Variants in RNF128 observed in about 807,000 individuals in gnomAD.
RNF128 encodes the protein E3 ubiquitin-protein ligase RNF128.
Under a neutral mutation model 26.2 loss-of-function variants are expected in RNF128, and 13 were observed. The ratio of observed to expected loss-of-function variants is 0.50; its 90% confidence interval spans 0.32 to 0.79. RNF128 has a LOEUF of 0.79. Among genes scored for constraint, RNF128 ranks in the 30% least tolerant of loss-of-function variants. RNF128 has a pLI of 0.03. For synonymous variants in RNF128, 149 were observed against 142.5 expected, an observed-to-expected ratio of 1.05 and a Z score of -0.32; for missense variants, 315 against 349.7, an observed-to-expected ratio of 0.90 and a Z score of 0.79.
In RNF128 at chrX:106,704,365, G is replaced by A. The variant is rs760691770; in HGVS notation, c.406+9957G>A. ...GGAGAATGGCGTGAACCCGGGAGGC[G>A]GAGCTTGCAGTGAGCTGAGATCGCG... On this transcript the variant is annotated intron_variant, in intron 1 of 6. Coordinates refer to the RNF128 transcript ENST00000324342. Among the ~76,000 whole-genome samples, 11 of 106,383 alleles carry A rather than the reference G, an allele frequency of 1.0e-4. No individual in the cohort carries two copies. The South Asian group carries it at 1.3e-3, about 13-fold the overall frequency. The allele number at this position is 106,383 out of a possible 115,157, so 92.4% of individuals were successfully genotyped here.
chrX:106,742,508 AG>A (rs1470260520), intron 1 of RNF128, among the ~76,000 whole-genome samples: 2 of 111,697 alleles, frequency 1.8e-5, no homozygotes, highest in African/African-American at 6.5e-5. Flanking sequence ...CAAGTTTTCC[AG>A]GTGATTCTTC....
intron 1 of RNF128, among the ~76,000 whole-genome samples, chrX:106,714,102 C>T (rs1010699268): frequency 9.3e-6 from 1 of 107,064 alleles, no homozygotes; most frequent in Non-Finnish European, 1.9e-5. Flanking sequence ...GGCGTGAACC[C>T]AGGAGGCGGA....
intron 1 of RNF128, among the ~76,000 whole-genome samples, chrX:106,752,988 G>T (rs1214821131): frequency 9.0e-6 from 1 of 111,541 alleles, no homozygotes; most frequent in Middle Eastern, 4.2e-3. Flanking sequence ...TGAGCTTGAA[G>T]AGGGGCTGTT....
At chrX:106,785,820 G>A (rs1265589891) in intron 3 of RNF128, among the ~76,000 whole-genome samples, 3 of 112,119 alleles carry the variant, frequency 2.7e-5, no homozygotes, top group African/African-American at 3.2e-5. Flanking sequence ...GGTAAAACAT[G>A]TATTTCAAAA....
chrX:106,779,305 A>G (rs1306051656), intron 2 of RNF128, among the ~76,000 whole-genome samples: 1 of 110,295 alleles, frequency 9.1e-6, no homozygotes, highest in Non-Finnish European at 1.9e-5. Flanking sequence ...TATAAATTGT[A>G]AAATGATTGA....
At chrX:106,693,911 C>A in exon 1 of RNF128, 1 of 842,172 alleles carries the variant, frequency 1.2e-6, no homozygotes, top group Non-Finnish European at 1.7e-6. Flanking sequence ...AAATTTCAAA[C>A]TTCTGTTCAG....
chrX:106,793,151 A>G (rs976475486), intron 6 of RNF128, among the ~76,000 whole-genome samples: 5 of 111,087 alleles, frequency 4.5e-5, no homozygotes, highest in African/African-American at 1.6e-4. Flanking sequence ...GTTTTGGGTG[A>G]TGCCTAGGAA....
chrX:106,779,577 A>G (rs1409129917), intron 2 of RNF128, among the ~76,000 whole-genome samples: 3 of 110,173 alleles, frequency 2.7e-5, no homozygotes, highest in African/African-American at 1.0e-4. Context: ...TTATACCACA[A>G]ATTCTAAAGG....
At chrX:106,696,411 G>A (rs1266875459) in intron 1 of RNF128, among the ~76,000 whole-genome samples, 2 of 110,875 alleles carry the variant, frequency 1.8e-5, no homozygotes, top group African/African-American at 6.6e-5. Context: ...CAAACATAAG[G>A]AATCAAGTGT....
chrX:106,767,602 A>C (rs917104544), intron 1 of RNF128, among the ~76,000 whole-genome samples: 36 of 111,989 alleles, frequency 3.2e-4, no homozygotes, highest in African/African-American at 1.2e-3. Flanking sequence ...TATCAGCCTG[A>C]GGAGAATTTG....
chrX:106,711,929 G>A (rs1328569522), intron 1 of RNF128, among the ~76,000 whole-genome samples: 1 of 111,830 alleles, frequency 8.9e-6, no homozygotes, highest in Non-Finnish European at 1.9e-5. Context: ...TCTTGAAGAT[G>A]GGAATAAATT....
intron 1 of RNF128, among the ~76,000 whole-genome samples, chrX:106,710,965 C>T (rs1452520560): frequency 9.0e-6 from 1 of 111,367 alleles, no homozygotes; most frequent in Non-Finnish European, 1.9e-5. Context: ...CTGAACTGTG[C>T]ACAACCCCAT....
At chrX:106,759,809 T>G (rs2147686536) in intron 1 of RNF128, among the ~76,000 whole-genome samples, 1 of 111,390 alleles carries the variant, frequency 9.0e-6, no homozygotes, top group African/African-American at 3.3e-5. Flanking sequence ...AGAAAGAAAT[T>G]GGGGATTATT....
intron 1 of RNF128, among the ~76,000 whole-genome samples, chrX:106,713,034 C>A (rs1175807140): frequency 1.9e-5 from 2 of 107,725 alleles, no homozygotes; most frequent in Non-Finnish European, 3.8e-5. Context: ...GTATCCGCCG[C>A]TTCGCCCATC....
intron 1 of RNF128, among the ~76,000 whole-genome samples, chrX:106,713,980 C>G (rs1486898656): frequency 3.6e-5 from 4 of 110,838 alleles, no homozygotes; most frequent in Admixed American, 9.5e-5. Flanking sequence ...TCGAGACCAT[C>G]CTGGCTAACA....
At chrX:106,760,478 AAAAC>A (rs1341051281) in intron 1 of RNF128, among the ~76,000 whole-genome samples, 2 of 112,112 alleles carry the variant, frequency 1.8e-5, no homozygotes, top group East Asian at 2.8e-4. Context: ...AAAGAGACAA[AAAAC>A]AAACAAATAC....
chrX:106,703,923 A>T lies in RNF128; in HGVS notation c.406+9515A>T, dbSNP rs755213860. ...AGTGGGGTCAATAAAGTGGAATGGC[A>T]ACAAAAATTCCTGAAGTTAAACCAC... On this transcript the variant is annotated intron_variant, in intron 1 of 6. Transcript: ENST00000324342. 1.4e-4 allele frequency among the ~76,000 whole-genome samples: 15 copies of T among 110,569 alleles called. No homozygotes were observed. The South Asian group carries it at 5.8e-3, about 43-fold the overall frequency.
rs1204706701 is a variant in RNF128 at position 106,732,668 on chromosome X, A to G, written c.484+5271A>G. On this transcript the variant is annotated intron_variant, in intron 1 of 6. Transcript: ENST00000255499. The stretch of plus-strand genomic sequence containing the variant: ...AAGGAAGAAGAGCATACAGGAATAG[A>G]GTGTACACATACTTCAAGATTGCTG... Among the ~76,000 whole-genome samples the G allele has an allele frequency of 5.4e-5, 6 of 112,016 alleles. No individual in the cohort carries two copies. In the South Asian group the frequency reaches 1.5e-3, roughly 28 times the overall value.
chrX:106,705,417 G>A (rs1430236922), intron 1 of RNF128, among the ~76,000 whole-genome samples: 1 of 111,887 alleles, frequency 8.9e-6, no homozygotes, highest in African/African-American at 3.2e-5. Context: ...CTTAGTCAAG[G>A]CCTTAGGATG....
Sources: gnomAD v4.1 joint callset for allele counts (sites outside exome capture counted in the v4.1 genomes callset) on GRCh38, gnomAD v4.1.1 for gene constraint, MANE v1.5 for transcripts, NCBI Gene and HGNC (gene_info 2026-07-23, HGNC 2026-07-21) for gene names.